Variants in PTPRT observed in about 807,000 individuals in gnomAD.
PTPRT encodes the protein receptor-type tyrosine-protein phosphatase T.
Under a neutral mutation model 176.8 loss-of-function variants are expected in PTPRT, and 56 were observed. The ratio of observed to expected loss-of-function variants is 0.32; its 90% CI spans 0.26 to 0.40. PTPRT has a LOEUF of 0.40. Ranked by LOEUF, PTPRT falls within the 10% of genes least tolerant of loss-of-function variation. PTPRT has a pLI of 1.00. For synonymous variants in PTPRT, 783 were observed against 739.0 expected, an observed-to-expected ratio of 1.06 and a Z score of -0.96; for missense variants, 1,540 against 1,908.2, an observed-to-expected ratio of 0.81 and a Z score of 3.60.
chr20:42,712,737 C>T (rs987462122), intron 6 of PTPRT, among the ~76,000 whole-genome samples: 2 of 152,108 alleles, frequency 1.3e-5, no homozygotes, highest in African/African-American at 4.8e-5. Context: ...AATAATTTGG[C>T]CATATCTATC....
intron 9 of PTPRT, among the ~76,000 whole-genome samples, chr20:42,430,171 G>C (rs575191898): frequency 2.6e-5 from 4 of 152,286 alleles, no homozygotes; most frequent in South Asian, 2.1e-4. Context: ...CCACGGTCCA[G>C]GGTCCACGGT....
chr20:43,105,407 T>C (rs1183847442), intron 1 of PTPRT, among the ~76,000 whole-genome samples: 1 of 142,732 alleles, frequency 7.0e-6, no homozygotes, highest in African/African-American at 2.8e-5. Flanking sequence ...TCTGATACTC[T>C]TTTTTTTTTC....
chr20:42,385,190 C>A lies in PTPRT; in HGVS notation c.1561-32905G>T, dbSNP rs141793271. Among the ~76,000 whole-genome samples, 1,165 of 152,204 alleles carry A rather than the reference C, an allele frequency of 7.7e-3. 20 individuals are homozygous for A. The highest frequency in any genetic ancestry group is 0.027 in the African/African-American group (1,116 of 41,514). ...ATGTCATGGAGCTTTCCCCCTATTT[C>A]TTCTAGGTGTCTTACAGCAGTAGAT... On this transcript the variant is annotated intron_variant, in intron 9 of 30. Coordinates refer to ENST00000373187, the MANE Select transcript of PTPRT (RefSeq NM_007050.6).
chr20:42,373,608 C>T (rs576013917), intron 9 of PTPRT, among the ~76,000 whole-genome samples: 6 of 152,270 alleles, frequency 3.9e-5, no homozygotes, highest in South Asian at 4.1e-4. Context: ...AATATGAATT[C>T]GCAGTTGTAA....
chr20:43,090,354 G>T (rs1226669046), intron 1 of PTPRT, among the ~76,000 whole-genome samples: 3 of 150,896 alleles, frequency 2.0e-5, no homozygotes, highest in Non-Finnish European at 4.4e-5. Context: ...TGCAAGCTCC[G>T]CCTCCCGGGT....
At chr20:43,134,693 T>A (rs1012178081) in intron 1 of PTPRT, among the ~76,000 whole-genome samples, 1 of 152,194 alleles carries the variant, frequency 6.6e-6, no homozygotes, top group Non-Finnish European at 1.5e-5. Flanking sequence ...TATCACTGAA[T>A]TTTTTTCTTC....
At chr20:42,220,376 G>T (rs959607027) in intron 15 of PTPRT, among the ~76,000 whole-genome samples, 4 of 152,082 alleles carry the variant, frequency 2.6e-5, no homozygotes, top group African/African-American at 9.7e-5. Context: ...CAAGCTTGCG[G>T]ATATCAACAA....
At chr20:42,810,208 C>T (rs995364585) in intron 2 of PTPRT, among the ~76,000 whole-genome samples, 9 of 152,082 alleles carry the variant, frequency 5.9e-5, no homozygotes, top group Non-Finnish European at 1.2e-4. Context: ...GCAGAAGAAT[C>T]GCTTGAACCC....
chr20:42,824,067 G>C (rs943311142), intron 2 of PTPRT, among the ~76,000 whole-genome samples: 1 of 152,050 alleles, frequency 6.6e-6, no homozygotes, highest in African/African-American at 2.4e-5. Flanking sequence ...ACAGAGATAT[G>C]AGAGGTCCAG....
At chr20:43,114,365 T>C (rs1466830639) in intron 1 of PTPRT, among the ~76,000 whole-genome samples, 1 of 152,202 alleles carries the variant, frequency 6.6e-6, no homozygotes, top group Admixed American at 6.5e-5. Flanking sequence ...CTGTGTGCCT[T>C]TGGGCAAGTC....
chr20:42,565,943 C>T (rs919855607), intron 7 of PTPRT, among the ~76,000 whole-genome samples: 1 of 152,048 alleles, frequency 6.6e-6, no homozygotes. Context: ...ATGGCAGAGA[C>T]GACTTGCTCT....
Position 43,013,536 on chromosome 20 carries a change from TG to T in PTPRT, c.89-127605del, listed in dbSNP as rs373529221. 1.8e-4 allele frequency among the ~76,000 whole-genome samples: 27 copies of T among 152,224 alleles called. No homozygotes were observed. In the South Asian group the frequency reaches 4.8e-3, roughly 27 times the overall value. ...GTGGTACAATAGCTAAGACAGAAAG[TG>T]GGGGGTACATATCTGGAAGTGGTCT... On this transcript the variant is annotated intron_variant, in intron 1 of 30. Coordinates refer to ENST00000373187, the MANE Select transcript of PTPRT (RefSeq NM_007050.6).
intron 1 of PTPRT, among the ~76,000 whole-genome samples, chr20:42,945,052 T>C (rs1980791795): frequency 6.7e-6 from 1 of 149,162 alleles, no homozygotes; most frequent in Non-Finnish European, 1.5e-5. Flanking sequence ...GTGTGTTATA[T>C]AGTATTTATA....
At chr20:42,927,664 CT>C (rs903312108) in intron 1 of PTPRT, among the ~76,000 whole-genome samples, 11 of 152,102 alleles carry the variant, frequency 7.2e-5, no homozygotes, top group Non-Finnish European at 1.5e-5. Context: ...AGACCCACGC[CT>C]GCAGTCAAAC....
chr20:42,203,291 C>T (rs1365289001), intron 15 of PTPRT, among the ~76,000 whole-genome samples: 1 of 152,154 alleles, frequency 6.6e-6, no homozygotes, highest in Non-Finnish European at 1.5e-5. Flanking sequence ...CATTCATCTC[C>T]ATAGCCAAAT....
intron 8 of PTPRT, among the ~76,000 whole-genome samples, chr20:42,449,458 T>G (rs751365901): frequency 2.1e-4 from 32 of 152,196 alleles, no homozygotes; most frequent in Non-Finnish European, 1.0e-4. Flanking sequence ...ATAATGAATT[T>G]CAGTAAATTG....
At chr20:42,384,426 G>C (rs926537420) in intron 9 of PTPRT, among the ~76,000 whole-genome samples, 1 of 152,106 alleles carries the variant, frequency 6.6e-6, no homozygotes, top group Non-Finnish European at 1.5e-5. Context: ...GGTGGACAAG[G>C]GTGCGAGGGT....
At chr20:42,823,596 T>G (rs1224253952) in intron 2 of PTPRT, among the ~76,000 whole-genome samples, 3 of 152,118 alleles carry the variant, frequency 2.0e-5, no homozygotes, top group Non-Finnish European at 4.4e-5. Context: ...GTATTTTAGA[T>G]GTAGAAGAAT....
chr20:43,093,373 G>GTTT (rs1207909544), intron 1 of PTPRT, among the ~76,000 whole-genome samples: 1 of 152,228 alleles, frequency 6.6e-6, no homozygotes, highest in Non-Finnish European at 1.5e-5. Flanking sequence ...GAAAGTTTTA[G>GTTT]TTGTACGTTG....
Sources: gnomAD v4.1 joint callset for allele counts (sites outside exome capture counted in the v4.1 genomes callset) on GRCh38, gnomAD v4.1.1 for gene constraint, MANE v1.5 for transcripts, NCBI Gene and HGNC (gene_info 2026-07-23, HGNC 2026-07-21) for gene names.